Variants in PTPRD observed in about 807,000 individuals in gnomAD.
PTPRD encodes the protein protein tyrosine phosphatase receptor type D, also known as receptor-type tyrosine-protein phosphatase delta.
A neutral mutation model predicts 214.5 loss-of-function variants in PTPRD; 34 were observed. The ratio of observed to expected loss-of-function variants is 0.16; its 90% CI spans 0.12 to 0.21. The LOEUF is 0.21. Ranked by LOEUF, PTPRD falls within the 10% of genes least tolerant of loss-of-function variation. The probability of loss-of-function intolerance (pLI) is 1.00; values close to 1 mark genes in which losing one functional copy is unlikely to be tolerated. For missense variants in PTPRD, 2,545 were observed against 2,398.7 expected (o/e 1.06, Z -1.27); for synonymous variants, 1,128 against 845.7 (o/e 1.33, Z -5.79).
chr9:9,338,814 G>C (rs1216852858), intron 9 of PTPRD, among the ~76,000 whole-genome samples: 1 of 151,998 alleles, frequency 6.6e-6, no homozygotes, highest in Non-Finnish European at 1.5e-5. Context: ...TCTACATTAG[G>C]TATTTCTCCT....
At position 10,201,102 on chromosome 9, in the gene PTPRD, C is replaced by T. The variant is rs544414350; in HGVS notation, c.-545+139861G>A. On this transcript the variant is annotated intron_variant, in intron 3 of 45. Coordinates refer to ENST00000381196, the MANE Select transcript of PTPRD (RefSeq NM_002839.4). Reference sequence around the variant, plus strand: ...AATGTTTGGAGTTATAAAAATGGTACGGAAAATGGCACATCTGACTCTTGC... The same window carrying T: ...AATGTTTGGAGTTATAAAAATGGTATGGAAAATGGCACATCTGACTCTTGC... Among the ~76,000 whole-genome samples, 55 of 151,810 alleles carry T rather than the reference C, an allele frequency of 3.6e-4. 1 individual carries two copies. The highest frequency in any genetic ancestry group is 7.4e-4 in the Non-Finnish European group (50 of 67,884).
At chr9:8,325,293 C>G (rs1432973303) in intron 44 of PTPRD, among the ~76,000 whole-genome samples, 3 of 148,298 alleles carry the variant, frequency 2.0e-5, no homozygotes, top group Non-Finnish European at 3.0e-5. Context: ...GGGATCCAGT[C>G]TCAGTTTTCT....
At chr9:9,654,701 G>T (rs1207064124) in intron 7 of PTPRD, among the ~76,000 whole-genome samples, 1 of 152,168 alleles carries the variant, frequency 6.6e-6, no homozygotes, top group Non-Finnish European at 1.5e-5. Flanking sequence ...AGTTTAGCTA[G>T]AAGGAGTAAC....
intron 7 of PTPRD, among the ~76,000 whole-genome samples, chr9:9,587,130 G>C (rs1051195868): frequency 5.9e-5 from 9 of 151,816 alleles, no homozygotes; most frequent in African/African-American, 2.2e-4. Flanking sequence ...TATTTTAGAG[G>C]AAAATAAAGC....
At chr9:8,444,395 C>T (rs2095649797) in intron 34 of PTPRD, among the ~76,000 whole-genome samples, 1 of 152,064 alleles carries the variant, frequency 6.6e-6, no homozygotes, top group Admixed American at 6.6e-5. Flanking sequence ...TCCCTACCTA[C>T]TCTATATTAT....
chr9:8,411,365 G>A (rs1053387484), intron 35 of PTPRD, among the ~76,000 whole-genome samples: 4 of 151,524 alleles, frequency 2.6e-5, no homozygotes, highest in Non-Finnish European at 5.9e-5. Context: ...GTGCAATGGC[G>A]TGATCTTGGC....
chr9:8,702,333 G>A (rs1359613683), intron 12 of PTPRD, among the ~76,000 whole-genome samples: 1 of 151,402 alleles, frequency 6.6e-6, no homozygotes, highest in Non-Finnish European at 1.5e-5. Context: ...TATTTGGTGT[G>A]CCTTATCTTC....
intron 36 of PTPRD, among the ~76,000 whole-genome samples, chr9:8,397,413 T>C (rs1036011263): frequency 6.6e-6 from 1 of 152,218 alleles, no homozygotes; most frequent in African/African-American, 2.4e-5. Context: ...ATAACTAACA[T>C]TCCATTAGAA....
intron 2 of PTPRD, among the ~76,000 whole-genome samples, chr9:10,442,847 T>C (rs140279861): frequency 6.6e-6 from 1 of 151,644 alleles, no homozygotes; most frequent in Non-Finnish European, 1.5e-5. Flanking sequence ...ATAATTAGAC[T>C]AAAATATACA....
intron 3 of PTPRD, among the ~76,000 whole-genome samples, chr9:10,240,651 C>G (rs935612492): frequency 6.6e-6 from 1 of 151,738 alleles, no homozygotes; most frequent in Non-Finnish European, 1.5e-5. Flanking sequence ...AAGGATAATA[C>G]AAAATGACAA....
At chr9:8,975,097 CA>C (rs35644783) in intron 11 of PTPRD, among the ~76,000 whole-genome samples, 28,235 of 116,190 alleles carry the variant, frequency 0.24, 2,449 homozygotes, top group East Asian at 0.38. Flanking sequence ...AACTCTGTCT[CA>C]AAAAAAAAAA....
In PTPRD at chr9:8,869,106, C is replaced by T. The variant is rs528992923; in HGVS notation, c.-103-135160G>A. ...AAAGAAAGAATTGGAAAGATTAAAA[C>T]TCCCTCCTTGGAAGCAAATTGAAAC... On this transcript the variant is annotated intron_variant, in intron 11 of 45. Coordinates refer to ENST00000381196, the MANE Select transcript of PTPRD (RefSeq NM_002839.4). 1.1e-4 allele frequency among the ~76,000 whole-genome samples: 17 copies of T among 152,268 alleles called. No homozygotes were observed. In the East Asian group the frequency reaches 3.3e-3, roughly 29 times the overall value.
At chr9:10,533,069 C>T (rs1185711847) in intron 2 of PTPRD, among the ~76,000 whole-genome samples, 2 of 152,026 alleles carry the variant, frequency 1.3e-5, no homozygotes, top group Non-Finnish European at 2.9e-5. Flanking sequence ...AATGGATTAG[C>T]TACGGGGTTA....
At chr9:9,929,628 G>A (rs995103395) in intron 5 of PTPRD, among the ~76,000 whole-genome samples, 4 of 152,054 alleles carry the variant, frequency 2.6e-5, no homozygotes, top group African/African-American at 4.8e-5. Context: ...TCTTGACCTC[G>A]TGATCTGCCC....
intron 30 of PTPRD, among the ~76,000 whole-genome samples, chr9:8,483,188 T>C: frequency 6.6e-6 from 1 of 152,366 alleles, no homozygotes; most frequent in East Asian, 1.9e-4. Context: ...AATTTTCCAC[T>C]TCAGGCCTGT....
intron 5 of PTPRD, among the ~76,000 whole-genome samples, chr9:9,866,115 A>G (rs556792482): frequency 2.0e-5 from 3 of 152,270 alleles, no homozygotes; most frequent in East Asian, 3.9e-4. Flanking sequence ...AAATTTATCT[A>G]CATTTAATAT....
At chr9:9,970,119 A>C (rs1440934586) in intron 4 of PTPRD, among the ~76,000 whole-genome samples, 1 of 152,152 alleles carries the variant, frequency 6.6e-6, no homozygotes, top group Admixed American at 6.5e-5. Context: ...TTTTATTATT[A>C]AGGATAATGA....
At chr9:10,426,329 T>A (rs1434985921) in intron 2 of PTPRD, among the ~76,000 whole-genome samples, 2 of 151,992 alleles carry the variant, frequency 1.3e-5, no homozygotes, top group Non-Finnish European at 1.5e-5. Context: ...TTCCTTTAAT[T>A]GAGCCCTCAT....
At chr9:10,229,185 T>C (rs2099599548) in intron 3 of PTPRD, among the ~76,000 whole-genome samples, 1 of 152,112 alleles carries the variant, frequency 6.6e-6, no homozygotes, top group Middle Eastern at 3.4e-3. Flanking sequence ...TGGCGATCAT[T>C]AAAAAATCAG....
Sources: allele counts gnomAD v4.1 joint callset (sites outside exome capture counted in the v4.1 genomes callset), GRCh38; gene constraint gnomAD v4.1.1; transcripts MANE v1.5; gene names NCBI Gene and HGNC (gene_info 2026-07-23, HGNC 2026-07-21).